FKBP3: variants seen among roughly 807,000 people sequenced by gnomAD.
FKBP3 encodes FKBP prolyl isomerase 3.
Under a neutral mutation model 30.6 loss-of-function variants are expected in FKBP3, and 21 were observed. The ratio of observed to expected loss-of-function variants is 0.69; its 90% CI spans 0.49 to 0.99. The LOEUF (loss-of-function observed/expected upper bound fraction) is 0.99. Ranked by LOEUF, FKBP3 falls within the 50% of genes least tolerant of loss-of-function variation. FKBP3 has a pLI of 0.00. For missense variants in FKBP3, 283 were observed against 261.6 expected (o/e 1.08, Z -0.56); for synonymous variants, 82 against 91.3 (o/e 0.90, Z 0.58).
chr14:45,117,682 T>A (rs971035566), intron 6 of FKBP3, among the ~76,000 whole-genome samples: 1 of 152,238 alleles, frequency 6.6e-6, no homozygotes, highest in African/African-American at 2.4e-5. Context: ...TGAGCCATAT[T>A]TGCATCGTAG....
At chr14:45,128,212 C>T (rs568542178) in intron 3 of FKBP3, among the ~76,000 whole-genome samples, 25 of 152,188 alleles carry the variant, frequency 1.6e-4, no homozygotes, top group Non-Finnish European at 2.6e-4. Context: ...TGGCGCCTGC[C>T]TGGAGTCCCA....
At chr14:45,129,267 A>G (rs1031494583) in intron 3 of FKBP3, among the ~76,000 whole-genome samples, 1 of 152,260 alleles carries the variant, frequency 6.6e-6, no homozygotes, top group African/African-American at 2.4e-5. Context: ...AGTTCTTAGT[A>G]GCTGATCTTA....
At position 45,116,170 on chromosome 14, in the gene FKBP3, A is replaced by G. The variant is rs1884829422; in HGVS notation, c.*28T>C. ...AGGCCAAGTTTTATCATTGTTGCTA[A>G]TATCCTTAGAGCTGAAGCACTGCTA... is the stretch of plus-strand genomic sequence containing the variant. On this transcript the variant is annotated 3_prime_UTR_variant, in exon 7 of 7. Transcript: ENST00000396062. The G allele has an allele frequency of 1.9e-6, 3 of 1,543,600 alleles. No individual in the cohort carries two copies. Among genetic ancestry groups the G allele is most frequent in the South Asian group, 1.1e-5 (1 of 89,164 alleles).
chr14:45,121,411 A>C, intron 4 of FKBP3, 74 bp downstream of exon 4: 1 of 1,274,504 alleles, frequency 7.8e-7, no homozygotes, highest in Non-Finnish European at 1.1e-6. Context: ...GGTACTGCTA[A>C]CTACTCATCT....
intron 3 of FKBP3, 49 bp downstream of exon 3, chr14:45,129,744 AC>A (rs1885175185): frequency 8.6e-7 from 1 of 1,157,102 alleles, no homozygotes; most frequent in African/African-American, 1.6e-5. Context: ...AGAAATAAAT[AC>A]AATTTCTAGA....
intron 6 of FKBP3, among the ~76,000 whole-genome samples, chr14:45,117,390 C>T (rs1357404279): frequency 1.3e-5 from 2 of 152,158 alleles, no homozygotes; most frequent in African/African-American, 4.8e-5. Context: ...TCTGATGGGT[C>T]CAAGAGGAAT....
In FKBP3 at chr14:45,133,102, A is replaced by C. The variant is rs527664861; in HGVS notation, c.108+1247T>G. Among the ~76,000 whole-genome samples, 52 of 152,308 alleles carry C rather than the reference A, an allele frequency of 3.4e-4. 1 individual carries two copies. The highest frequency in any genetic ancestry group is 1.4e-3 in the Admixed American group (21 of 15,306). ...ATGCCAGGATAATAATTAAGGAAGA[A>C]GGCACTGGAAGTTGGAGAGTTCTTC... On this transcript the variant is annotated intron_variant, in intron 1 of 6. Coordinates refer to ENST00000396062, the MANE Select transcript of FKBP3 (RefSeq NM_002013.4).
At chr14:45,130,105 T>C (rs1031063024) in intron 2 of FKBP3, among the ~76,000 whole-genome samples, 9 of 152,170 alleles carry the variant, frequency 5.9e-5, no homozygotes, top group African/African-American at 2.2e-4. Context: ...ATGATTACCC[T>C]CAAACCAGCT....
In FKBP3 at chr14:45,115,833, A is replaced by T. The variant is rs1884820113; in HGVS notation, c.*365T>A. 6.0e-6 allele frequency: 1 copy of T among 165,686 alleles called. No homozygotes were observed. Among genetic ancestry groups the T allele is most frequent in the Non-Finnish European group, 1.3e-5 (1 of 76,450 alleles). 10.3% of individuals were successfully genotyped at this position (165,686 alleles called of 1,614,324 possible). ...TTACTGGGAGTTACTCCCTGGTTTGATGAGGTCCTTAGTTCCAATTCCCTA... is the reference window on the plus strand; with the variant it reads ...TTACTGGGAGTTACTCCCTGGTTTGTTGAGGTCCTTAGTTCCAATTCCCTA... On this transcript the variant is annotated 3_prime_UTR_variant, in exon 7 of 7. Transcript: ENST00000396062.
chr14:45,131,810 A>T (rs1885222458), intron 1 of FKBP3, among the ~76,000 whole-genome samples: 1 of 152,178 alleles, frequency 6.6e-6, no homozygotes, highest in Non-Finnish European at 1.5e-5. Flanking sequence ...AGCCTGTCAC[A>T]CAGTAAGAAC....
In FKBP3 at chr14:45,121,499, G is replaced by A; in HGVS notation, c.440C>T (p.Thr147Ile). 1 of 1,610,984 alleles carries A rather than the reference G, an allele frequency of 6.2e-7. No homozygotes were observed. The highest frequency in any genetic ancestry group is 8.5e-7 in the Non-Finnish European group (1 of 1,178,526). ...GTLQDGTVFD[T>I]NIQTSAKKKK... ...TTTAGACTTACTTGTTTGAATATTA[G>A]TATCAAAAACAGTCCCATCTTGTAG... The change falls in exon 4 of 7, where the codon ACT becomes ATT. Residue 147 changes from threonine (T) to isoleucine (I), a missense_variant. By Grantham distance (89) the Thr-to-Ile change is moderately conservative. Transcript: ENST00000396062.
At position 45,120,886 on chromosome 14, in the gene FKBP3, C is replaced by T; in HGVS notation, c.522+1G>A. On this transcript the variant is annotated splice_donor_variant, in intron 5 of 6. Transcript: ENST00000396062. LOFTEE classifies it high-confidence loss of function. ...CTGATTCATTGGCATTCTTTACTTACTCCTCTGATAACTTTGCCTACTCCG... is the reference window on the plus strand; with the variant it reads ...CTGATTCATTGGCATTCTTTACTTATTCCTCTGATAACTTTGCCTACTCCG... 6.2e-7 allele frequency: 1 copy of T among 1,611,204 alleles called. No homozygotes were observed. The highest frequency in any genetic ancestry group is 2.2e-5 in the East Asian group (1 of 44,784).
chr14:45,124,912 GTTTAT>G (rs1484082813), intron 3 of FKBP3, among the ~76,000 whole-genome samples: 2 of 152,072 alleles, frequency 1.3e-5, no homozygotes, highest in Non-Finnish European at 2.9e-5. Flanking sequence ...TCGGATCTGT[GTTTAT>G]TTTATTTATT....
At chr14:45,116,303 C>G (rs1042251186) in intron 6 of FKBP3, 51 bp from the exon 7 acceptor site, 7 of 1,358,594 alleles carry the variant, frequency 5.2e-6, no homozygotes, top group Admixed American at 1.7e-5. Flanking sequence ...TCCCCTACCC[C>G]CATAACCTTA....
intron 6 of FKBP3, 102 bp from the exon 7 acceptor site, chr14:45,116,354 G>T: frequency 1.3e-6 from 1 of 775,574 alleles, no homozygotes. Context: ...TAGATAAATT[G>T]AGCTTGGACT....
At chr14:45,120,804 C>A (rs1157729202) in intron 5 of FKBP3, 83 bp downstream of exon 5, 1 of 1,126,996 alleles carries the variant, frequency 8.9e-7, no homozygotes, top group Non-Finnish European at 1.3e-6. Context: ...TGTATTATAT[C>A]CCCAAACCTA....
intron 3 of FKBP3, among the ~76,000 whole-genome samples, chr14:45,124,792 G>T (rs546099372): frequency 1.3e-5 from 2 of 152,136 alleles, no homozygotes; most frequent in Non-Finnish European, 2.9e-5. Flanking sequence ...CAATGAAAGG[G>T]AGAATGGCAT....
At chr14:45,126,647 T>G (rs1885105250) in intron 3 of FKBP3, among the ~76,000 whole-genome samples, 1 of 152,116 alleles carries the variant, frequency 6.6e-6, no homozygotes. Context: ...AATGTAATTT[T>G]GAGTTGTCTA....
intron 4 of FKBP3, 71 bp downstream of exon 4, chr14:45,121,414 A>G (rs1179838069): frequency 2.3e-6 from 3 of 1,301,600 alleles, no homozygotes; most frequent in Non-Finnish European, 3.3e-6. Context: ...ACTGCTAACT[A>G]CTCATCTGTC....
Sources: allele counts gnomAD v4.1 joint callset (sites outside exome capture counted in the v4.1 genomes callset), GRCh38; gene constraint gnomAD v4.1.1; transcripts MANE v1.5; gene names NCBI Gene and HGNC (gene_info 2026-07-23, HGNC 2026-07-21).